Variants in UBE4A observed in about 807,000 individuals in gnomAD.
The protein encoded by UBE4A is ubiquitination factor E4A, also known as ubiquitin conjugation factor E4 A.
In UBE4A, 48 loss-of-function variants were observed where a neutral mutation model predicts 117.9. The observed-to-expected ratio is 0.41, with a 90% CI of 0.32 to 0.52. The LOEUF (loss-of-function observed/expected upper bound fraction) is 0.52. Ranked by LOEUF, UBE4A falls within the 20% of genes least tolerant of loss-of-function variation. The pLI is 0.33. For missense variants in UBE4A, 1,067 were observed against 1,296.3 expected (o/e 0.82, Z 2.72); for synonymous variants, 407 against 450.0 (o/e 0.90, Z 1.21).
intron 1 of UBE4A, among the ~76,000 whole-genome samples, chr11:118,361,290 G>A (rs1458069127): frequency 2.0e-5 from 3 of 152,138 alleles, no homozygotes; most frequent in Non-Finnish European, 4.4e-5. Flanking sequence ...AAAGTGCTGG[G>A]ATTACAGGCA....
At chr11:118,380,128 TGTG>T (rs1948689353) in intron 11 of UBE4A, among the ~76,000 whole-genome samples, 1 of 68,410 alleles carries the variant, frequency 1.5e-5, no homozygotes, top group Non-Finnish European at 2.9e-5. Flanking sequence ...TGTGTGTGTG[TGTG>T]TGCGTGTGTG....
rs1407132802 is a variant in UBE4A at position 118,396,921 on chromosome 11, G to T, written c.*481G>T. ...TGTATTTACTAGTCCTCATGATCTA[G>T]ACTTAACCCCTTTTCTGTGTTACAG... On this transcript the variant is annotated 3_prime_UTR_variant, in exon 20 of 20. Coordinates refer to ENST00000252108, the MANE Select transcript of UBE4A (RefSeq NM_001204077.2). The T allele has an allele frequency of 6.5e-6, 1 of 153,940 alleles. No homozygotes were observed. Among genetic ancestry groups the T allele is most frequent in the African/African-American group, 2.4e-5 (1 of 41,430 alleles). 9.5% of individuals were successfully genotyped at this position (153,940 alleles called of 1,614,324 possible). A position where few individuals can be genotyped will look rare whatever the true frequency, so the allele number is the denominator to read the frequency against.
chr11:118,373,935 G>C (rs1948629866), intron 8 of UBE4A, among the ~76,000 whole-genome samples: 1 of 151,934 alleles, frequency 6.6e-6, no homozygotes. Flanking sequence ...AACACAGTGA[G>C]ACCCCCATGT....
chr11:118,361,566 TG>T (rs1948521514), intron 1 of UBE4A, among the ~76,000 whole-genome samples: 1 of 152,194 alleles, frequency 6.6e-6, no homozygotes, highest in Admixed American at 6.5e-5. Context: ...AAAAAAAGTT[TG>T]TGCACAGATT....
intron 16 of UBE4A, 27 bp downstream of exon 16, chr11:118,386,639 C>G (rs368250797): frequency 6.7e-7 from 1 of 1,494,952 alleles, no homozygotes; most frequent in South Asian, 1.4e-5. Context: ...CTGCTTCCCC[C>G]CAAAAAAGTA....
At chr11:118,361,239 C>T (rs1948518924) in intron 1 of UBE4A, among the ~76,000 whole-genome samples, 1 of 152,132 alleles carries the variant, frequency 6.6e-6, no homozygotes. Flanking sequence ...AGGCTGGTCT[C>T]AAACTCCTGA....
chr11:118,371,787 A>G, intron 5 of UBE4A, 121 bp downstream of exon 5: 3 of 1,073,860 alleles, frequency 2.8e-6, no homozygotes, highest in East Asian at 2.5e-5. Context: ...CTAGAAGTGA[A>G]TATCAGGGAC....
chr11:118,398,899 C>T lies in UBE4A; in HGVS notation c.*2459C>T, dbSNP rs1161463956. On this transcript the variant is annotated 3_prime_UTR_variant, in exon 20 of 20. Coordinates refer to ENST00000252108, the MANE Select transcript of UBE4A (RefSeq NM_001204077.2). ...GTGCCAGTTGCTATTTGATATCACA[C>T]TCTACAAAAGCTTCATTACTTTATT... 9.5e-6 allele frequency: 2 copies of T among 210,136 alleles called. No individual in the cohort carries two copies. Among genetic ancestry groups the T allele is most frequent in the Non-Finnish European group, 2.0e-5 (2 of 97,676 alleles). 13.0% of individuals were successfully genotyped at this position (210,136 alleles called of 1,614,324 possible).
chr11:118,365,155 C>T lies in UBE4A; in HGVS notation c.75C>T (p.Ala25=), dbSNP rs752500086. 6.2e-7 allele frequency: 1 copy of T among 1,613,590 alleles called. No individual in the cohort carries two copies. The highest frequency in any genetic ancestry group is 1.3e-5 in the African/African-American group (1 of 74,892). ...FAALFGSLAD[A]KQFAAIQKEQ... ...CTCTTTTTGGCTCCCTGGCTGATGCCAAACAGTTTGCGGCAATCCAAAAAG... is the reference window on the plus strand; with the variant it reads ...CTCTTTTTGGCTCCCTGGCTGATGCTAAACAGTTTGCGGCAATCCAAAAAG... The change falls in exon 2 of 20, where the codon GCC becomes GCT. Residue 25 remains alanine, a synonymous_variant. Coordinates refer to ENST00000252108, the MANE Select transcript of UBE4A (RefSeq NM_001204077.2).
chr11:118,377,331 C>T (rs2134096289), intron 10 of UBE4A, among the ~76,000 whole-genome samples: 1 of 152,178 alleles, frequency 6.6e-6, no homozygotes, highest in African/African-American at 2.4e-5. Flanking sequence ...CCTCATCCTC[C>T]CAAGTAGCTG....
chr11:118,375,187 TTGAATGA>T lies in UBE4A; in HGVS notation c.1413_1419del (p.Asn471LysfsTer10). ...TCCCACATACTGTGCCCTCAAGGAG[TTGAATGA>T]TGAAGAACGAAAAATTAAAAATGTA... On this transcript the variant is annotated frameshift_variant, in exon 9 of 20. Coordinates refer to ENST00000252108, the MANE Select transcript of UBE4A (RefSeq NM_001204077.2). LOFTEE classifies it high-confidence loss of function. The T allele has an allele frequency of 6.2e-7, 1 of 1,610,802 alleles. No homozygotes were observed. Among genetic ancestry groups the T allele is most frequent in the Non-Finnish European group, 8.5e-7 (1 of 1,178,270 alleles).
At position 118,372,495 on chromosome 11, in the gene UBE4A, T is replaced by A; in HGVS notation, c.562-12T>A. On this transcript the variant is annotated splice_polypyrimidine_tract_variant and intron_variant, in intron 5 of 19. Coordinates refer to ENST00000252108, the MANE Select transcript of UBE4A (RefSeq NM_001204077.2). ...GTTAGACTATTCCCTCTTTTCTTCA[T>A]GCTGTTTGCAGATTACCAAAGTTCC... 1 of 1,598,360 alleles carries A rather than the reference T, an allele frequency of 6.3e-7. No individual in the cohort carries two copies. The highest frequency in any genetic ancestry group is 8.5e-7 in the Non-Finnish European group (1 of 1,175,232).
chr11:118,373,615 A>G lies in UBE4A; in HGVS notation c.1046A>G (p.His349Arg), dbSNP rs1483333470. 1 of 1,614,032 alleles carries G rather than the reference A, an allele frequency of 6.2e-7. No homozygotes were observed. The highest frequency in any genetic ancestry group is 8.5e-7 in the Non-Finnish European group (1 of 1,180,030). ...LLKTPGVVEN[H>R]GYFLNPSRSS... The stretch of plus-strand genomic sequence containing the variant: ...AAGACTCCGGGTGTTGTAGAAAATC[A>G]TGGCTACTTTTTGAATCCATCTCGT... The change falls in exon 8 of 20, where the codon CAT becomes CGT. Residue 349 changes from histidine (H) to arginine (R), a missense_variant. His to Arg is a conservative substitution (Grantham distance 29). Transcript: ENST00000252108.
chr11:118,394,545 TGGATCACTTG>T (rs1948850619), intron 19 of UBE4A, among the ~76,000 whole-genome samples: 1 of 152,084 alleles, frequency 6.6e-6, no homozygotes, highest in Non-Finnish European at 1.5e-5. Flanking sequence ...CTGAAGCAGG[TGGATCACTTG>T]AGATCAGGAG....
intron 3 of UBE4A, 91 bp downstream of exon 3, chr11:118,368,895 A>G: frequency 7.4e-7 from 1 of 1,360,008 alleles, no homozygotes; most frequent in Non-Finnish European, 1.0e-6. Flanking sequence ...GCTAATGGTT[A>G]GATACAAACC....
chr11:118,390,349 T>A (rs185517907), intron 17 of UBE4A, among the ~76,000 whole-genome samples: 129 of 147,606 alleles, frequency 8.7e-4, no homozygotes, highest in Non-Finnish European at 1.5e-3. Context: ...TCTTTCTGTA[T>A]CAAAAAGTAT....
intron 19 of UBE4A, among the ~76,000 whole-genome samples, chr11:118,393,338 AC>A (rs1382598346): frequency 3.3e-5 from 5 of 151,910 alleles, no homozygotes; most frequent in African/African-American, 1.2e-4. Flanking sequence ...AATTGCTTGA[AC>A]CCAGGAGGCA....
At chr11:118,361,006 GTA>G (rs1565527353) in intron 1 of UBE4A, among the ~76,000 whole-genome samples, 4 of 126,672 alleles carry the variant, frequency 3.2e-5, no homozygotes, top group Non-Finnish European at 3.3e-5. Context: ...GTGTGTGTGT[GTA>G]TTTTTTTTTT....
At chr11:118,384,804 T>C (rs1555126891) in intron 14 of UBE4A, 28 bp from the exon 15 acceptor site, 1 of 1,612,384 alleles carries the variant, frequency 6.2e-7, no homozygotes, top group South Asian at 1.1e-5. Flanking sequence ...AGTACTAAAA[T>C]GGTTTTCTTG....
Sources: allele counts gnomAD v4.1 joint callset (sites outside exome capture counted in the v4.1 genomes callset), GRCh38; gene constraint gnomAD v4.1.1; transcripts MANE v1.5; gene names NCBI Gene and HGNC (gene_info 2026-07-23, HGNC 2026-07-21).